The following TBCEL variants were observed in gnomAD, a reference collection of about 807,000 sequenced individuals.
TBCEL encodes tubulin folding cofactor E like, also known as tubulin-specific chaperone cofactor E-like protein.
Under a neutral mutation model 44.2 loss-of-function variants are expected in TBCEL, and 15 were observed. The observed-to-expected ratio is 0.34, with a 90% CI of 0.23 to 0.52. The LOEUF is 0.52. Ranked by LOEUF, TBCEL falls within the 20% of genes least tolerant of loss-of-function variation. The pLI is 0.95. For missense variants in TBCEL, 319 were observed against 506.3 expected (o/e 0.63, Z 3.55); for synonymous variants, 171 against 185.4 (o/e 0.92, Z 0.63).
chr11:121,054,894 T>C, intron 5 of TBCEL, 158 bp from the exon 6 acceptor site: 4 of 696,870 alleles, frequency 5.7e-6, no homozygotes, highest in Non-Finnish European at 8.3e-6. Flanking sequence ...CCCAGCTATA[T>C]TTTGAACTTC....
intron 8 of TBCEL, among the ~76,000 whole-genome samples, chr11:121,085,950 G>A (rs992447405): frequency 1.8e-4 from 27 of 152,110 alleles, no homozygotes; most frequent in Non-Finnish European, 2.5e-4. Context: ...AAGTGACTTC[G>A]TTGTATCTTG....
intron 3 of TBCEL, 103 bp downstream of exon 3, chr11:121,045,926 C>T: frequency 8.0e-7 from 1 of 1,243,884 alleles, no homozygotes; most frequent in East Asian, 2.7e-5. Flanking sequence ...TTTTTAATTA[C>T]AGTCAAATAG....
At chr11:121,045,403 G>T (rs1945411447) in intron 2 of TBCEL, among the ~76,000 whole-genome samples, 1 of 151,990 alleles carries the variant, frequency 6.6e-6, no homozygotes, top group African/African-American at 2.4e-5. Context: ...ATTGCCCTTG[G>T]TTGGAAGTGA....
chr11:121,032,302 GTTGT>G (rs1478977282), intron 1 of TBCEL, among the ~76,000 whole-genome samples: 1 of 152,046 alleles, frequency 6.6e-6, no homozygotes, highest in Non-Finnish European at 1.5e-5. Context: ...CTTCCCCAGG[GTTGT>G]TTAACAGAAT....
chr11:121,055,960 T>G (rs1157398820), intron 6 of TBCEL, among the ~76,000 whole-genome samples: 1 of 144,164 alleles, frequency 6.9e-6, no homozygotes, highest in Non-Finnish European at 1.5e-5. Context: ...ATTTGTACCA[T>G]TTCAGTCAAT....
rs374778286 is a variant in TBCEL, at chr11:121,055,139, A to G, written c.543A>G (p.Ile181Met). The G allele has an allele frequency of 6.2e-7, 1 of 1,611,716 alleles. No homozygotes were observed. The highest frequency in any genetic ancestry group is 1.3e-5 in the African/African-American group (1 of 74,734). ...GTCATTCTCTTAAGCTACTACATATAACAGACAATAACCTCCAAGACTGGA... is the reference window on the plus strand; with the variant it reads ...GTCATTCTCTTAAGCTACTACATATGACAGACAATAACCTCCAAGACTGGA... Reference protein sequence around the residue: ...ICCHSLKLLHITDNNLQDWTE... With the variant: ...ICCHSLKLLHMTDNNLQDWTE... Residue 181 changes from isoleucine (I) to methionine (M), a missense_variant, in exon 6 of 9, where the codon ATA becomes ATG. Transcript: ENST00000683345.
At chr11:121,027,554 C>T (rs1473466315) in intron 1 of TBCEL, among the ~76,000 whole-genome samples, 1 of 152,156 alleles carries the variant, frequency 6.6e-6, no homozygotes, top group Non-Finnish European at 1.5e-5. Context: ...CATCATTACA[C>T]TCCTAAATGC....
At chr11:121,085,763 C>A (rs1008906005) in intron 8 of TBCEL, among the ~76,000 whole-genome samples, 2 of 152,042 alleles carry the variant, frequency 1.3e-5, no homozygotes, top group Admixed American at 6.5e-5. Flanking sequence ...CCTTGGGCTT[C>A]CCAAGGTGCT....
intron 2 of TBCEL, among the ~76,000 whole-genome samples, chr11:121,041,431 C>T (rs887412784): frequency 4.0e-4 from 61 of 152,186 alleles, no homozygotes; most frequent in African/African-American, 1.3e-3. Flanking sequence ...GAGGCACAAA[C>T]GAATTGAAAT....
rs1418712524 is a variant in TBCEL, at chr11:121,058,289, CTCT to C, written c.713-51_713-49del. ...TTGAGCTAATATTTTTGCTATGTTT[CTCT>C]TCTTATTTATGTGCATCTCTGGATT... On this transcript the variant is annotated intron_variant, in intron 6 of 8. Transcript: ENST00000683345. The C allele has an allele frequency of 7.6e-6, 12 of 1,580,078 alleles. No individual in the cohort carries two copies. In the Middle Eastern group the frequency reaches 6.8e-4, roughly 89 times the overall value.
chr11:121,072,135 CT>C (rs1023419745), intron 8 of TBCEL, among the ~76,000 whole-genome samples: 1 of 152,146 alleles, frequency 6.6e-6, no homozygotes, highest in African/African-American at 2.4e-5. Flanking sequence ...TTTATTTTGA[CT>C]TCTTGCCACT....
chr11:121,070,301 C>T (rs1387796980), intron 8 of TBCEL, among the ~76,000 whole-genome samples: 2 of 152,174 alleles, frequency 1.3e-5, no homozygotes, highest in African/African-American at 2.4e-5. Context: ...GTGGCGATTC[C>T]TCAAGGATCT....
intron 8 of TBCEL, among the ~76,000 whole-genome samples, chr11:121,080,342 A>G (rs1434316824): frequency 6.6e-6 from 1 of 152,324 alleles, no homozygotes; most frequent in East Asian, 1.9e-4. Flanking sequence ...TGAGACTACT[A>G]TGTAAGCTAC....
intron 6 of TBCEL, 103 bp downstream of exon 6, chr11:121,055,411 A>G: frequency 7.9e-7 from 1 of 1,273,044 alleles, no homozygotes; most frequent in Admixed American, 3.3e-5. Flanking sequence ...TACCTTTTTT[A>G]GAGTGAATTT....
intron 8 of TBCEL, among the ~76,000 whole-genome samples, chr11:121,068,819 G>C (rs149247451): frequency 1.3e-5 from 2 of 151,570 alleles, no homozygotes; most frequent in African/African-American, 4.9e-5. Flanking sequence ...CCCGAGAGGC[G>C]GAGGTTGCGG....
chr11:121,040,855 C>T (rs1361845077), intron 2 of TBCEL, among the ~76,000 whole-genome samples: 1 of 152,126 alleles, frequency 6.6e-6, no homozygotes, highest in African/African-American at 2.4e-5. Context: ...GCAAATCTTT[C>T]CACTCGTATT....
intron 7 of TBCEL, among the ~76,000 whole-genome samples, chr11:121,059,237 CATTA>C (rs1945676145): frequency 1.3e-5 from 2 of 151,978 alleles, no homozygotes; most frequent in Non-Finnish European, 2.9e-5. Context: ...TTAACGTACA[CATTA>C]ATATCTTTCT....
intron 7 of TBCEL, among the ~76,000 whole-genome samples, chr11:121,058,995 C>T (rs1945671551): frequency 1.3e-5 from 2 of 151,904 alleles, no homozygotes; most frequent in Admixed American, 6.6e-5. Context: ...TCCACATACT[C>T]GGGAATTTCC....
intron 8 of TBCEL, among the ~76,000 whole-genome samples, chr11:121,068,434 C>T (rs1413695471): frequency 6.6e-6 from 1 of 151,846 alleles, no homozygotes; most frequent in Non-Finnish European, 1.5e-5. Context: ...TAGAATCTGA[C>T]TACTGCTTCC....
Sources: gnomAD v4.1 joint callset for allele counts (sites outside exome capture counted in the v4.1 genomes callset) on GRCh38, gnomAD v4.1.1 for gene constraint, MANE v1.5 for transcripts, NCBI Gene and HGNC (gene_info 2026-07-23, HGNC 2026-07-21) for gene names.